SDR9C7: variants seen among roughly 807,000 people sequenced by gnomAD.
SDR9C7 encodes the protein short chain dehydrogenase/reductase family 9C member 7.
In SDR9C7, 11 loss-of-function variants were observed where a neutral mutation model predicts 23.6. The observed-to-expected ratio is 0.47, with a 90% confidence interval of 0.29 to 0.77. The LOEUF is 0.77. Among genes scored for constraint, SDR9C7 ranks in the 30% least tolerant of loss-of-function variants. The pLI is 0.09. For synonymous variants in SDR9C7, 167 were observed against 157.3 expected (o/e 1.06, Z -0.46); for missense variants, 387 against 407.1 (o/e 0.95, Z 0.42).
intron 3 of SDR9C7, among the ~76,000 whole-genome samples, chr12:56,924,592 T>TA (rs1955721031): frequency 6.6e-6 from 1 of 152,260 alleles, no homozygotes; most frequent in South Asian, 2.1e-4. Flanking sequence ...ACTTTGAGCT[T>TA]AAACTTTTAT....
rs774363396 is a variant in SDR9C7 at position 56,929,456 on chromosome 12, G to A, written c.658C>T (p.Arg220Ter). Residue 220 changes from arginine to a stop codon, truncating the protein, a stop_gained, in exon 3 of 4, where the codon CGA becomes TGA. Transcript: ENST00000293502. LOFTEE classifies it high-confidence loss of function. ...TGAGGCAGCCTCTCCCAAAGCTTTC[G>A]CATGCGTGACTCCAGGTTCTCCTTG... ...LGKENLESRM[R>*]KLWERLPQET... 25 of 1,613,756 alleles carry A rather than the reference G, an allele frequency of 1.5e-5. No individual in the cohort carries two copies. Among genetic ancestry groups the A allele is most frequent in the South Asian group, 4.4e-5 (4 of 91,066 alleles).
intron 2 of SDR9C7, 65 bp from the exon 3 acceptor site, chr12:56,929,618 T>C (rs1955755671): frequency 1.3e-6 from 2 of 1,554,428 alleles, no homozygotes; most frequent in South Asian, 1.1e-5. Flanking sequence ...GAGTCACCTC[T>C]GGATGGGCTG....
chr12:56,929,210 T>G (rs1955751790), intron 3 of SDR9C7, among the ~76,000 whole-genome samples, 180 bp downstream of exon 3: 1 of 152,126 alleles, frequency 6.6e-6, no homozygotes, highest in Non-Finnish European at 1.5e-5. Context: ...CCCGGGCTGC[T>G]CCAGAAGTGA....
At position 56,933,963 on chromosome 12, in the gene SDR9C7, T is replaced by A. The variant is rs1955782619; in HGVS notation, c.299A>T (p.Gln100Leu). Reference protein sequence around the residue: ...AQWVRDKVGEQGLWALVNNAG... With the variant: ...AQWVRDKVGELGLWALVNNAG... Reference sequence around the variant, plus strand: ...CCAAAGAATGTAATTCGCCCCACCTTGTTCGCCCACTTTGTCCCTCACCCA... The same window carrying A: ...CCAAAGAATGTAATTCGCCCCACCTAGTTCGCCCACTTTGTCCCTCACCCA... The change falls in exon 1 of 4, where the codon CAA (glutamine) becomes CTA (leucine). Residue 100 changes from glutamine to leucine, a missense_variant and splice_region_variant. By Grantham distance (113) the Gln-to-Leu change is moderately radical. Coordinates refer to ENST00000293502, the MANE Select transcript of SDR9C7 (RefSeq NM_148897.3). 6.2e-7 allele frequency: 1 copy of A among 1,604,460 alleles called. No homozygotes were observed. Among genetic ancestry groups the A allele is most frequent in the African/African-American group, 1.3e-5 (1 of 74,846 alleles).
In SDR9C7 at chr12:56,930,374, T is replaced by C; in HGVS notation, c.412A>G (p.Ile138Val). Reference protein sequence around the residue: ...KVINVNLVGLIEVTLHMLPMV... With the variant: ...KVINVNLVGLVEVTLHMLPMV... ...GGCAGCATGTGAAGGGTCACTTCGA[T>C]CAGTCCCACCAGGTTCACATTAATC... Residue 138 changes from isoleucine (I) to valine (V), a missense_variant, in exon 2 of 4, where the codon ATC (isoleucine) becomes GTC (valine). Transcript: ENST00000293502. 6.2e-7 allele frequency: 1 copy of C among 1,614,164 alleles called. No homozygotes were observed.
intron 1 of SDR9C7, among the ~76,000 whole-genome samples, chr12:56,933,311 G>A (rs1034391718): frequency 9.9e-5 from 15 of 152,248 alleles, no homozygotes; most frequent in Non-Finnish European, 2.1e-4. Flanking sequence ...ATTTCCCCAG[G>A]AGCTGATGGT....
Position 56,923,945 on chromosome 12 carries a change from T to C in SDR9C7, c.830A>G (p.Tyr277Cys). 6.2e-7 allele frequency: 1 copy of C among 1,614,086 alleles called. No homozygotes were observed. The highest frequency in any genetic ancestry group is 8.5e-7 in the Non-Finnish European group (1 of 1,179,942). ...AIVSRSPRIR[Y>C]NPGLDAKLLY... ...GAGTTTGGCATCCAGGCCAGGGTTG[T>C]AGCGGATGCGAGGGCTCCGGGAAAC... is the stretch of plus-strand genomic sequence containing the variant. The change falls in exon 4 of 4, where the codon TAC becomes TGC. Residue 277 changes from tyrosine (Y) to cysteine (C), a missense_variant. By Grantham distance (194) the Tyr-to-Cys change is radical. Coordinates refer to ENST00000293502, the MANE Select transcript of SDR9C7 (RefSeq NM_148897.3).
At chr12:56,933,505 C>T (rs866396471) in intron 1 of SDR9C7, among the ~76,000 whole-genome samples, 7 of 152,140 alleles carry the variant, frequency 4.6e-5, no homozygotes, top group African/African-American at 7.2e-5. Flanking sequence ...ACTACAGGCA[C>T]GTGCCACCAC....
At chr12:56,933,659 G>C (rs1344516229) in intron 1 of SDR9C7, among the ~76,000 whole-genome samples, 2 of 152,232 alleles carry the variant, frequency 1.3e-5, no homozygotes, top group African/African-American at 4.8e-5. Context: ...CGCCCAGCCA[G>C]GCACGTCCAT....
intron 3 of SDR9C7, among the ~76,000 whole-genome samples, chr12:56,926,482 A>G (rs1232304767): frequency 6.6e-6 from 1 of 152,156 alleles, no homozygotes; most frequent in Non-Finnish European, 1.5e-5. Flanking sequence ...CAATCAAAGC[A>G]TTTCATGATC....
In SDR9C7 at chr12:56,928,850, A is replaced by G. The variant is rs1240616692; in HGVS notation, c.724+540T>C. On this transcript the variant is annotated intron_variant, in intron 3 of 3. Transcript: ENST00000293502. ...GGGAAAGAAAGAGAGTTGCCTAGAG[A>G]CCCTCCCTTTTAAATCCCCATGTGC... Among the ~76,000 whole-genome samples, 9 of 151,878 alleles carry G rather than the reference A, an allele frequency of 5.9e-5. No individual in the cohort carries two copies. In the East Asian group the frequency reaches 1.7e-3, roughly 29 times the overall value.
Position 56,930,445 on chromosome 12 carries a change from G to T in SDR9C7, c.341C>A (p.Pro114His). The T allele has an allele frequency of 6.2e-7, 1 of 1,614,154 alleles. No homozygotes were observed. Among genetic ancestry groups the T allele is most frequent in the Non-Finnish European group, 8.5e-7 (1 of 1,180,018 alleles). The change falls in exon 2 of 4, where the codon CCC becomes CAC. Residue 114 changes from proline to histidine, a missense_variant. Pro to His is a moderately conservative substitution (Grantham distance 77). Transcript: ENST00000293502. ...GGTCAGCCATTCGTTGGGACCACTG[G>T]GCAGGCCCACACCAGCATTGTTCAC... ...ALVNNAGVGL[P>H]SGPNEWLTKD...
chr12:56,929,413 T>G lies in SDR9C7; in HGVS notation c.701A>C (p.Tyr234Ser). The change falls in exon 3 of 4, where the codon TAC (tyrosine) becomes TCC (serine). Residue 234 changes from tyrosine (Y) to serine (S), a missense_variant. Coordinates refer to ENST00000293502, the MANE Select transcript of SDR9C7 (RefSeq NM_148897.3). ...ERLPQETRDS[Y>S]GEDYFRIYTD... ...ACAGATGCGGAAATAATCCTCTCCG[T>G]AGCTGTCCCGGGTCTCCTGAGGCAG... 6.2e-7 allele frequency: 1 copy of G among 1,611,228 alleles called. No individual in the cohort carries two copies.
At chr12:56,929,699 G>T in intron 2 of SDR9C7, 146 bp from the exon 3 acceptor site, 2 of 981,870 alleles carry the variant, frequency 2.0e-6, no homozygotes, top group Non-Finnish European at 2.9e-6. Context: ...GTGCAAATAA[G>T]CCCTTCCTTA....
intron 3 of SDR9C7, among the ~76,000 whole-genome samples, chr12:56,925,835 T>C (rs1256906651): frequency 6.6e-6 from 1 of 152,044 alleles, no homozygotes; most frequent in East Asian, 1.9e-4. Context: ...GCTGAGGATG[T>C]GGAGCAAGCT....
chr12:56,929,409 T>C lies in SDR9C7; in HGVS notation c.705A>G (p.Gly235=). The change falls in exon 3 of 4, where the codon GGA becomes GGG. Residue 235 remains glycine (G), a synonymous_variant. Coordinates refer to ENST00000293502, the MANE Select transcript of SDR9C7 (RefSeq NM_148897.3). ...ACTTACAGATGCGGAAATAATCCTC[T>C]CCGTAGCTGTCCCGGGTCTCCTGAG... is the stretch of plus-strand genomic sequence containing the variant. The part of the protein sequence containing the change: ...RLPQETRDSY[G]EDYFRIYTDK... 6.2e-7 allele frequency: 1 copy of C among 1,609,934 alleles called. No homozygotes were observed. Among genetic ancestry groups the C allele is most frequent in the Non-Finnish European group, 8.5e-7 (1 of 1,176,472 alleles).
chr12:56,925,224 G>A (rs982365027), intron 3 of SDR9C7, among the ~76,000 whole-genome samples: 5 of 152,124 alleles, frequency 3.3e-5, no homozygotes, highest in Non-Finnish European at 7.4e-5. Flanking sequence ...GGGTGGAGAT[G>A]GGGACAGAGC....
chr12:56,924,030 T>C lies in SDR9C7; in HGVS notation c.745A>G (p.Ile249Val), dbSNP rs1008644447. ...FRIYTDKLKN[I>V]MQVAEPRVRD... ...ACTCTGGGCTCTGCCACCTGCATTA[T>C]GTTTTTTAACTTGTCAGTATCTGTT... Residue 249 changes from isoleucine to valine, a missense_variant, in exon 4 of 4, where the codon ATA becomes GTA. Coordinates refer to ENST00000293502, the MANE Select transcript of SDR9C7 (RefSeq NM_148897.3). 1.9e-6 allele frequency: 3 copies of C among 1,613,188 alleles called. No homozygotes were observed. The highest frequency in any genetic ancestry group is 2.7e-5 in the African/African-American group (2 of 74,930).
Position 56,930,619 on chromosome 12 carries a change from A to T in SDR9C7, c.302-135T>A, listed in dbSNP as rs192864386. On this transcript the variant is annotated intron_variant, in intron 1 of 3. Coordinates refer to ENST00000293502, the MANE Select transcript of SDR9C7 (RefSeq NM_148897.3). ...CATAACTCGGTCAGGCTATAACATA[A>T]AAGGAAGGTGTGTCTTTTACTAACT... 1.4e-4 allele frequency: 136 copies of T among 994,736 alleles called. 1 individual carries two copies. The highest frequency in any genetic ancestry group is 1.3e-3 in the East Asian group (50 of 38,066). 61.6% of individuals were successfully genotyped at this position (994,736 alleles called of 1,614,324 possible).
Sources: gnomAD v4.1 joint callset for allele counts (sites outside exome capture counted in the v4.1 genomes callset) on GRCh38, gnomAD v4.1.1 for gene constraint, MANE v1.5 for transcripts, NCBI Gene and HGNC (gene_info 2026-07-23, HGNC 2026-07-21) for gene names.